APBA1: variants seen among roughly 807,000 people sequenced by gnomAD.
APBA1 encodes the protein amyloid-beta A4 precursor protein-binding family A member 1.
In APBA1, 55 loss-of-function variants were observed where a neutral mutation model predicts 86.6. That is an observed-to-expected ratio of 0.64 (90% CI 0.51 to 0.80). The LOEUF (loss-of-function observed/expected upper bound fraction) is 0.80, where lower values mean the gene tolerates loss of function less well. APBA1 is among the 30% of genes least tolerant of loss of function. The pLI is 0.00. For synonymous variants in APBA1, 511 were observed against 493.9 expected (o/e 1.03, Z -0.46); for missense variants, 1,090 against 1,183.0 (o/e 0.92, Z 1.15).
chr9:69,540,298 G>A (rs1836584965), intron 1 of APBA1, among the ~76,000 whole-genome samples: 1 of 152,034 alleles, frequency 6.6e-6, no homozygotes, highest in African/African-American at 2.4e-5. Flanking sequence ...CCCCCACCAT[G>A]ACTGTGTCCC....
At chr9:69,542,613 G>A (rs992992250) in intron 1 of APBA1, among the ~76,000 whole-genome samples, 8 of 152,188 alleles carry the variant, frequency 5.3e-5, no homozygotes, top group African/African-American at 1.9e-4. Context: ...GTGGACATAA[G>A]TTTTCAACTC....
chr9:69,484,565 C>T (rs763723193), intron 2 of APBA1, among the ~76,000 whole-genome samples: 16 of 152,190 alleles, frequency 1.1e-4, no homozygotes, highest in African/African-American at 3.9e-4. Context: ...TTCTTTCCTA[C>T]ATTCAATGTT....
chr9:69,504,855 A>G (rs1459012092), intron 2 of APBA1, among the ~76,000 whole-genome samples: 1 of 151,854 alleles, frequency 6.6e-6, no homozygotes, highest in Non-Finnish European at 1.5e-5. Flanking sequence ...TTCTGCGGGG[A>G]GGAGGAGTCG....
intron 1 of APBA1, among the ~76,000 whole-genome samples, chr9:69,588,025 CAA>C (rs35212894): frequency 2.7e-4 from 29 of 106,624 alleles, no homozygotes; most frequent in African/African-American, 5.5e-4. Flanking sequence ...GACTCTGTCT[CAA>C]AAAAAAAAAA....
At chr9:69,454,442 G>A (rs544023486) in intron 8 of APBA1, among the ~76,000 whole-genome samples, 10 of 152,306 alleles carry the variant, frequency 6.6e-5, no homozygotes, top group African/African-American at 2.4e-4. Flanking sequence ...CACACATCAG[G>A]CTTTAACTGC....
intron 1 of APBA1, among the ~76,000 whole-genome samples, chr9:69,636,278 A>G (rs1201263371): frequency 6.6e-6 from 1 of 152,200 alleles, no homozygotes; most frequent in East Asian, 1.9e-4. Context: ...ACAAATGGGA[A>G]CCCTTATGTC....
chr9:69,439,871 G>C (rs182616743), intron 11 of APBA1, among the ~76,000 whole-genome samples: 276 of 152,298 alleles, frequency 1.8e-3, no homozygotes, highest in African/African-American at 6.2e-3. Context: ...GGTTTGTAGA[G>C]TTTCTGGTTT....
intron 1 of APBA1, among the ~76,000 whole-genome samples, chr9:69,570,434 A>G (rs1171738115): frequency 2.0e-5 from 3 of 152,256 alleles, no homozygotes; most frequent in Non-Finnish European, 4.4e-5. Flanking sequence ...TATTTGAGAC[A>G]GCTGGTAATA....
chr9:69,490,905 C>A (rs1364022540), intron 2 of APBA1, among the ~76,000 whole-genome samples: 13 of 152,028 alleles, frequency 8.6e-5, no homozygotes, highest in East Asian at 3.8e-4. Flanking sequence ...CCACAATGAG[C>A]TACCATCTCA....
At chr9:69,669,633 G>A (rs10780554) in intron 1 of APBA1, among the ~76,000 whole-genome samples, 81,348 of 152,052 alleles carry the variant, frequency 0.54, 25,314 homozygotes, top group East Asian at 0.87. Flanking sequence ...CAAATATCTG[G>A]GTGTGGTGCC....
At chr9:69,493,948 A>G (rs945834065) in intron 2 of APBA1, among the ~76,000 whole-genome samples, 5 of 152,066 alleles carry the variant, frequency 3.3e-5, no homozygotes, top group African/African-American at 7.2e-5. Context: ...CCACATTAGA[A>G]TTGTTTTTAA....
chr9:69,655,105 T>C (rs867281361), intron 1 of APBA1, among the ~76,000 whole-genome samples: 1 of 152,136 alleles, frequency 6.6e-6, no homozygotes, highest in African/African-American at 2.4e-5. Flanking sequence ...GCTAACATCA[T>C]GCTGAATGGG....
At chr9:69,622,030 C>T (rs546837512) in intron 1 of APBA1, among the ~76,000 whole-genome samples, 188 of 152,288 alleles carry the variant, frequency 1.2e-3, no homozygotes, top group African/African-American at 4.2e-3. Flanking sequence ...GCCACCAAAC[C>T]TGAGGAGCAT....
chr9:69,605,245 G>A (rs942109441), intron 1 of APBA1, among the ~76,000 whole-genome samples: 4 of 151,912 alleles, frequency 2.6e-5, no homozygotes, highest in Non-Finnish European at 4.4e-5. Flanking sequence ...GCACTTGAAC[G>A]ATGGTACTAA....
In APBA1 at chr9:69,481,434, A is replaced by G. The variant is rs562590239; in HGVS notation, c.1201-5291T>C. ...ACAAGGGATATGAAGGACCTCTTCAAGGAGAACTACAAACCACTGCTCAAG... is the reference window on the plus strand; with the variant it reads ...ACAAGGGATATGAAGGACCTCTTCAGGGAGAACTACAAACCACTGCTCAAG... On this transcript the variant is annotated intron_variant, in intron 2 of 12. Transcript: ENST00000265381. Among the ~76,000 whole-genome samples, 609 of 151,698 alleles carry G rather than the reference A, an allele frequency of 4.0e-3. 3 individuals are homozygous for G. Among genetic ancestry groups the G allele is most frequent in the African/African-American group, 0.014 (580 of 41,066 alleles).
chr9:69,664,786 G>C (rs1292769030), intron 1 of APBA1, among the ~76,000 whole-genome samples: 2 of 152,156 alleles, frequency 1.3e-5, no homozygotes, highest in Non-Finnish European at 2.9e-5. Context: ...TTACACATGA[G>C]CATATATAGT....
At chr9:69,470,695 A>G (rs185611900) in intron 4 of APBA1, among the ~76,000 whole-genome samples, 1 of 152,322 alleles carries the variant, frequency 6.6e-6, no homozygotes, top group Admixed American at 6.5e-5. Context: ...CAAAGTCCAG[A>G]CACACCCTCA....
intron 11 of APBA1, 55 bp downstream of exon 11, chr9:69,440,941 C>G: frequency 6.3e-7 from 1 of 1,587,538 alleles, no homozygotes; most frequent in South Asian, 1.1e-5. Context: ...CCCAGCCATG[C>G]TACATTTTTA....
chr9:69,645,348 T>C (rs1041195450), intron 1 of APBA1, among the ~76,000 whole-genome samples: 2 of 152,194 alleles, frequency 1.3e-5, no homozygotes, highest in African/African-American at 4.8e-5. Context: ...GGAAGCTGTT[T>C]AGTTATTTGA....
Sources: gnomAD v4.1 joint callset for allele counts (sites outside exome capture counted in the v4.1 genomes callset) on GRCh38, gnomAD v4.1.1 for gene constraint, MANE v1.5 for transcripts, NCBI Gene and HGNC (gene_info 2026-07-23, HGNC 2026-07-21) for gene names.